The following DNAH2 variants were observed in gnomAD, a reference collection of about 807,000 sequenced individuals.
DNAH2 encodes the protein axonemal beta dynein heavy chain 2.
In DNAH2, 323 loss-of-function variants were observed where a neutral mutation model predicts 523.5. The ratio of observed to expected loss-of-function variants is 0.62; its 90% CI spans 0.56 to 0.68. The LOEUF (loss-of-function observed/expected upper bound fraction) is 0.68, where lower values mean the gene tolerates loss of function less well. DNAH2 is among the 30% of genes least tolerant of loss of function. DNAH2 has a pLI of 0.00. For missense variants in DNAH2, 4,907 were observed against 5,701.5 expected, an observed-to-expected ratio of 0.86 and a Z score of 4.49; for synonymous variants, 2,093 against 2,177.4, an observed-to-expected ratio of 0.96 and a Z score of 1.08.
chr17:7,739,191 C>A (rs367988104), intron 8 of DNAH2, among the ~76,000 whole-genome samples: 2 of 152,070 alleles, frequency 1.3e-5, no homozygotes, highest in Non-Finnish European at 2.9e-5. Flanking sequence ...AGATCACCTG[C>A]GATCAGCAGT....
At chr17:7,745,403 T>C (rs182552457) in intron 12 of DNAH2, among the ~76,000 whole-genome samples, 1 of 152,218 alleles carries the variant, frequency 6.6e-6, no homozygotes, top group Admixed American at 6.5e-5. Context: ...AACTAATAGG[T>C]ACTAGGCTTA....
intron 12 of DNAH2, among the ~76,000 whole-genome samples, chr17:7,746,573 C>T (rs2075523425): frequency 6.6e-6 from 1 of 152,180 alleles, no homozygotes; most frequent in African/African-American, 2.4e-5. Flanking sequence ...ATCACTTCCT[C>T]CCCACCCTCC....
Position 7,768,016 on chromosome 17 carries a change from C to G in DNAH2, c.3792C>G (p.Ala1264=). ...AGACGGAAACCATGGAGACCACGGC[C>G]CACGGGCTGTTTCGTCGCCTCACAA... ...ILQTETMETT[A]HGLFRRLTKL... Residue 1264 remains alanine, a synonymous_variant, in exon 23 of 86, where the codon GCC becomes GCG. Coordinates refer to ENST00000572933, the MANE Select transcript of DNAH2 (RefSeq NM_020877.5). 1 of 1,614,112 alleles carries G rather than the reference C, an allele frequency of 6.2e-7. No individual in the cohort carries two copies. The highest frequency in any genetic ancestry group is 1.1e-5 in the South Asian group (1 of 91,088).
chr17:7,724,799 G>GT (rs551850255), intron 3 of DNAH2, among the ~76,000 whole-genome samples: 153 of 147,764 alleles, frequency 1.0e-3, no homozygotes, highest in African/African-American at 3.5e-3. Context: ...CTGGAGTGCA[G>GT]TGGCATGATC....
At position 7,757,176 on chromosome 17, in the gene DNAH2, C is replaced by A; in HGVS notation, c.1990C>A (p.Arg664=). The change falls in exon 13 of 86, where the codon CGA becomes AGA. Residue 664 remains arginine (R), a synonymous_variant. Coordinates refer to ENST00000572933, the MANE Select transcript of DNAH2 (RefSeq NM_020877.5). ...TPHYVVNVAE[R]AEDLRILREN... ...CCATTACGTGGTGAACGTAGCTGAG[C>A]GAGCCGAGGACCTGCGCATTCTGCG... 1 of 1,614,148 alleles carries A rather than the reference C, an allele frequency of 6.2e-7. No homozygotes were observed. Among genetic ancestry groups the A allele is most frequent in the Non-Finnish European group, 8.5e-7 (1 of 1,180,024 alleles).
At chr17:7,797,853 C>T in intron 53 of DNAH2, 24 bp downstream of exon 53, 1 of 1,590,410 alleles carries the variant, frequency 6.3e-7, no homozygotes, top group East Asian at 2.2e-5. Flanking sequence ...ACGCCTATCC[C>T]CTTCCCCATC....
intron 11 of DNAH2, among the ~76,000 whole-genome samples, chr17:7,741,259 TTTCTTTCTTTC>T (rs2075316155): frequency 2.4e-5 from 1 of 41,184 alleles, no homozygotes; most frequent in South Asian, 1.4e-3. Flanking sequence ...TCTTTCTTTC[TTTCTTTCTTTC>T]TTTCTTTCTT....
chr17:7,775,105 G>A (rs754982228), intron 29 of DNAH2, 129 bp downstream of exon 29: 6 of 1,249,036 alleles, frequency 4.8e-6, no homozygotes, highest in African/African-American at 1.5e-5. Flanking sequence ...AATTCTCAGG[G>A]GGATAGAACT....
At chr17:7,766,196 C>G in intron 21 of DNAH2, 122 bp from the exon 22 acceptor site, 1 of 1,067,862 alleles carries the variant, frequency 9.4e-7, no homozygotes, top group East Asian at 2.4e-5. Flanking sequence ...CTCTTACTCT[C>G]CTTCCCTTCC....
At chr17:7,792,139 C>G (rs560311622) in intron 45 of DNAH2, 70 bp downstream of exon 45, 2 of 1,602,858 alleles carry the variant, frequency 1.2e-6, no homozygotes, top group Admixed American at 3.4e-5. Flanking sequence ...CCATCTCAGG[C>G]TCTGCTTGGG....
At chr17:7,803,430 G>A (rs771017841) in intron 58 of DNAH2, among the ~76,000 whole-genome samples, 2 of 152,196 alleles carry the variant, frequency 1.3e-5, no homozygotes, top group African/African-American at 2.4e-5. Context: ...CAGCACTTTG[G>A]GAGGCCAAGG....
In DNAH2 at chr17:7,754,729, G is replaced by A. The variant is rs532639884; in HGVS notation, c.1905-2362G>A. 2 of 1,105,376 alleles carry A rather than the reference G, an allele frequency of 1.8e-6. No homozygotes were observed. The highest frequency in any genetic ancestry group is 1.5e-5 in the African/African-American group (1 of 65,444). 68.5% of individuals were successfully genotyped at this position (1,105,376 alleles called of 1,614,324 possible). A position where few individuals can be genotyped will look rare whatever the true frequency, so the allele number is the denominator to read the frequency against. On this transcript the variant is annotated intron_variant, in intron 12 of 85. Transcript: ENST00000572933. The surrounding 1 kb of genome is among the most constrained non-coding windows in gnomAD (Gnocchi z 4.6). ...CTTGCTCGTGCCCGCATGGCCAAGG[G>A]GCTCAGGCTGTGCCGGCCCAAGGCC...
chr17:7,767,933 G>A lies in DNAH2; in HGVS notation c.3709G>A (p.Ala1237Thr), dbSNP rs148372579. 5.8e-5 allele frequency: 93 copies of A among 1,614,024 alleles called. No individual in the cohort carries two copies. In the African/African-American group the frequency reaches 1.1e-3, roughly 19 times the overall value. Residue 1237 changes from alanine (A) to threonine (T), a missense_variant, in exon 23 of 86, where the codon GCA becomes ACA. Around this residue, in one of 3 missense-constraint regions of DNAH2, gnomAD observed 2,806 missense variants for 3,190.8 expected, o/e 0.88. Transcript: ENST00000572933. ...TGCCCTCCAGCAAATCTGGGAGATC[G>A]CACGAGACTGGGAGGAGAACTGGAA... ...LDALQQIWEI[A>T]RDWEENWNEW...
chr17:7,819,137 C>G, intron 71 of DNAH2, 72 bp from the exon 72 acceptor site: 1 of 1,603,936 alleles, frequency 6.2e-7, no homozygotes, highest in Non-Finnish European at 8.5e-7. Context: ...GGCTCGAGAC[C>G]CCTCCTTCCC....
At chr17:7,764,407 C>T in intron 20 of DNAH2, 134 bp downstream of exon 20, 1 of 1,035,798 alleles carries the variant, frequency 9.7e-7, no homozygotes, top group Non-Finnish European at 1.4e-6. Flanking sequence ...CCAAAGCTAG[C>T]TCAAATGATA....
At chr17:7,819,514 C>A in intron 72 of DNAH2, 106 bp downstream of exon 72, 1 of 1,207,756 alleles carries the variant, frequency 8.3e-7, no homozygotes, top group Non-Finnish European at 1.2e-6. Flanking sequence ...CAGCCTGCCG[C>A]TGTCCTTGGC....
intron 63 of DNAH2, among the ~76,000 whole-genome samples, chr17:7,812,951 C>CA (rs61164962): frequency 0.29 from 35,462 of 122,174 alleles, 5,131 homozygotes; most frequent in Middle Eastern, 0.42. Context: ...GACTCTGTGT[C>CA]AAAAAAAAAA....
At chr17:7,721,543 C>T (rs1465109190) in intron 2 of DNAH2, among the ~76,000 whole-genome samples, 2 of 71,444 alleles carry the variant, frequency 2.8e-5, no homozygotes, top group Non-Finnish European at 6.9e-5. Flanking sequence ...ATCATCTCAC[C>T]TACTCACCTA....
At chr17:7,747,306 G>T (rs922472092) in intron 12 of DNAH2, among the ~76,000 whole-genome samples, 5 of 152,004 alleles carry the variant, frequency 3.3e-5, no homozygotes, top group African/African-American at 7.3e-5. Context: ...AATCTGTGTG[G>T]GGGATCTTTC....
Sources: allele counts gnomAD v4.1 joint callset (sites outside exome capture counted in the v4.1 genomes callset), GRCh38; gene constraint gnomAD v4.1.1; regional missense constraint gnomAD v4.1.1; non-coding constraint Gnocchi (gnomAD v3.1); transcripts MANE v1.5; gene names NCBI Gene and HGNC (gene_info 2026-07-23, HGNC 2026-07-21).